BAZ2B: variants seen among roughly 807,000 people sequenced by gnomAD.
BAZ2B encodes the protein bromodomain adjacent to zinc finger domain protein 2B.
BAZ2B carries 91 observed loss-of-function variants against 246.0 expected under a neutral mutation model. That is an observed-to-expected ratio of 0.37 (90% confidence interval 0.31 to 0.44). BAZ2B has a LOEUF of 0.44. Ranked by LOEUF, BAZ2B falls within the 20% of genes least tolerant of loss-of-function variation. The pLI is 1.00. For missense variants in BAZ2B, 2,332 were observed against 2,533.7 expected, an observed-to-expected ratio of 0.92 and a Z score of 1.71; for synonymous variants, 855 against 860.0, an observed-to-expected ratio of 0.99 and a Z score of 0.10.
intron 36 of BAZ2B, 21 bp downstream of exon 36, chr2:159,324,790 G>T: frequency 6.9e-7 from 1 of 1,441,898 alleles, no homozygotes; most frequent in Non-Finnish European, 9.2e-7. Flanking sequence ...AATATTTAGT[G>T]AACTGAAATG....
intron 2 of BAZ2B, among the ~76,000 whole-genome samples, chr2:159,501,233 T>C (rs1251388553): frequency 8.7e-6 from 1 of 115,070 alleles, no homozygotes; most frequent in Non-Finnish European, 1.7e-5. Flanking sequence ...TATTTATATA[T>C]ATATATATAA....
intron 2 of BAZ2B, among the ~76,000 whole-genome samples, chr2:159,492,867 G>A (rs2080654452): frequency 1.3e-5 from 2 of 152,080 alleles, no homozygotes; most frequent in South Asian, 4.1e-4. Context: ...GTTGTTATCT[G>A]TTTTTACATT....
At chr2:159,490,693 T>A (rs922260521) in intron 2 of BAZ2B, among the ~76,000 whole-genome samples, 7 of 152,174 alleles carry the variant, frequency 4.6e-5, no homozygotes, top group South Asian at 4.2e-4. Flanking sequence ...TGGCTATTTT[T>A]TTTTTATTTT....
chr2:159,510,807 T>C (rs1467147337), intron 2 of BAZ2B, among the ~76,000 whole-genome samples: 1 of 152,210 alleles, frequency 6.6e-6, no homozygotes, highest in Non-Finnish European at 1.5e-5. Context: ...TTAAAGGAGC[T>C]TTCCTGGTCA....
At chr2:159,569,981 T>A (rs1683560198) in intron 1 of BAZ2B, among the ~76,000 whole-genome samples, 2 of 152,166 alleles carry the variant, frequency 1.3e-5, no homozygotes, top group Admixed American at 6.5e-5. Context: ...GTGCACAGTC[T>A]CTGATACATA....
intron 1 of BAZ2B, among the ~76,000 whole-genome samples, chr2:159,586,836 T>G (rs1275185097): frequency 6.6e-6 from 1 of 152,148 alleles, no homozygotes; most frequent in African/African-American, 2.4e-5. Flanking sequence ...AATAAATTGA[T>G]GTATAAAAGC....
chr2:159,607,179 C>A (rs989288647), intron 1 of BAZ2B, among the ~76,000 whole-genome samples: 15 of 152,016 alleles, frequency 9.9e-5, no homozygotes, highest in Non-Finnish European at 2.1e-4. Context: ...TATGGATATG[C>A]CCGTTACTGG....
At chr2:159,643,489 T>C in the BAZ2B span, among the ~76,000 whole-genome samples, 2 of 152,156 alleles carry the variant, frequency 1.3e-5, no homozygotes, top group Non-Finnish European at 2.9e-5. Context: ...CTTCAACATA[T>C]GAACTTTCAG....
At chr2:159,604,113 T>C (rs1051941702) in intron 1 of BAZ2B, among the ~76,000 whole-genome samples, 1 of 152,204 alleles carries the variant, frequency 6.6e-6, no homozygotes, top group African/African-American at 2.4e-5. Context: ...TGAATATGAT[T>C]AACTGTAAGA....
At chr2:159,374,608 G>A in intron 26 of BAZ2B, 83 bp downstream of exon 26, 1 of 1,190,466 alleles carries the variant, frequency 8.4e-7, no homozygotes, top group Non-Finnish European at 1.2e-6. Flanking sequence ...TTTTTGCTTA[G>A]CAGTCAGAAA....
chr2:159,599,624 A>AAAAAAG (rs2151751770), intron 1 of BAZ2B, among the ~76,000 whole-genome samples: 1 of 150,360 alleles, frequency 6.7e-6, no homozygotes, highest in African/African-American at 2.4e-5. Context: ...GTCTCAAAAA[A>AAAAAAG]AAAAAAGAAA....
chr2:159,655,920 G>A, the BAZ2B span, among the ~76,000 whole-genome samples: 1 of 151,862 alleles, frequency 6.6e-6, no homozygotes, highest in South Asian at 2.1e-4. Flanking sequence ...ATTTTTAATA[G>A]CTGTGTTGAG....
At chr2:159,509,686 T>C (rs1238242553) in intron 2 of BAZ2B, among the ~76,000 whole-genome samples, 1 of 152,148 alleles carries the variant, frequency 6.6e-6, no homozygotes, top group Non-Finnish European at 1.5e-5. Flanking sequence ...CTTGAAAACA[T>C]ACTTGTACAC....
intron 1 of BAZ2B, among the ~76,000 whole-genome samples, chr2:159,558,382 G>A (rs541415101): frequency 6.6e-6 from 1 of 152,184 alleles, no homozygotes; most frequent in South Asian, 2.1e-4. Flanking sequence ...TCAGCCTTCC[G>A]AGTAGCTGGG....
intron 1 of BAZ2B, among the ~76,000 whole-genome samples, chr2:159,588,383 G>A (rs571100256): frequency 6.6e-6 from 1 of 152,026 alleles, no homozygotes; most frequent in African/African-American, 2.4e-5. Flanking sequence ...AATAGGCTGG[G>A]TATAGTGGTT....
chr2:159,601,727 A>T (rs1379721123), intron 1 of BAZ2B, among the ~76,000 whole-genome samples: 1 of 151,710 alleles, frequency 6.6e-6, no homozygotes, highest in Admixed American at 6.6e-5. Flanking sequence ...GTCTCAAAAT[A>T]AAAAAAAAGA....
At chr2:159,583,112 C>CTTTTTTTTT (rs11296306) in intron 1 of BAZ2B, among the ~76,000 whole-genome samples, 1 of 137,586 alleles carries the variant, frequency 7.3e-6, no homozygotes, top group Non-Finnish European at 1.5e-5. Context: ...TTTTTCTTTT[C>CTTTTTTTTT]TTTTTTTTTT....
chr2:159,397,478 T>C (rs555630991), intron 18 of BAZ2B, 89 bp from the exon 19 acceptor site: 14 of 800,518 alleles, frequency 1.7e-5, no homozygotes, highest in South Asian at 4.1e-5. Flanking sequence ...TGAGATTCTA[T>C]AGTTTTTCAT....
rs762650109 is a variant in BAZ2B at position 159,332,697 on chromosome 2, T to G, written c.5797-11A>C. On this transcript the variant is annotated splice_polypyrimidine_tract_variant and intron_variant, in intron 33 of 36. Transcript: ENST00000392783. ...ACAGATTTGGCAGTACTATAATACATGAAAAATCATTTAAAATTAACGCTC... is the reference window on the plus strand; with the variant it reads ...ACAGATTTGGCAGTACTATAATACAGGAAAAATCATTTAAAATTAACGCTC... The G allele has an allele frequency of 4.3e-6, 7 of 1,611,870 alleles. No homozygotes were observed. In the South Asian group the frequency reaches 5.5e-5, roughly 13 times the overall value.
Sources: gnomAD v4.1 joint callset for allele counts (sites outside exome capture counted in the v4.1 genomes callset) on GRCh38, gnomAD v4.1.1 for gene constraint, MANE v1.5 for transcripts, NCBI Gene and HGNC (gene_info 2026-07-23, HGNC 2026-07-21) for gene names.